The following GRIA1 variants were observed in gnomAD, a reference collection of about 807,000 sequenced individuals.
GRIA1 encodes glutamate ionotropic receptor AMPA type subunit 1, also known as glutamate receptor 1.
GRIA1 carries 31 observed loss-of-function variants against 99.2 expected under a neutral mutation model. The ratio of observed to expected loss-of-function variants is 0.31; its 90% CI spans 0.23 to 0.42. The LOEUF (loss-of-function observed/expected upper bound fraction) is 0.42. Among genes scored for constraint, GRIA1 ranks in the 10% least tolerant of loss-of-function variants. The probability of loss-of-function intolerance (pLI) is 1.00; values close to 1 mark genes in which losing one functional copy is unlikely to be tolerated. For missense variants in GRIA1, 782 were observed against 1,157.5 expected, an observed-to-expected ratio of 0.68 and a Z score of 4.71; for synonymous variants, 438 against 432.4, an observed-to-expected ratio of 1.01 and a Z score of -0.16.
intron 2 of GRIA1, among the ~76,000 whole-genome samples, chr5:153,499,144 A>G (rs13170351): frequency 5.6e-4 from 85 of 152,202 alleles, no homozygotes; most frequent in Non-Finnish European, 9.3e-4. Flanking sequence ...TACTTTGCAG[A>G]TGTTGTCTTA....
intron 3 of GRIA1, among the ~76,000 whole-genome samples, chr5:153,649,410 G>C (rs1754379664): frequency 6.6e-6 from 1 of 151,914 alleles, no homozygotes; most frequent in African/African-American, 2.4e-5. Flanking sequence ...GAAGAGAGTA[G>C]TTTAATTCAG....
chr5:153,527,664 G>C (rs2113410700), intron 2 of GRIA1, among the ~76,000 whole-genome samples: 1 of 152,304 alleles, frequency 6.6e-6, no homozygotes, highest in South Asian at 2.1e-4. Flanking sequence ...CAGCTGGCTG[G>C]CTTTTCTTCT....
At chr5:153,526,371 TA>T (rs1757598395) in intron 2 of GRIA1, among the ~76,000 whole-genome samples, 2 of 152,244 alleles carry the variant, frequency 1.3e-5, no homozygotes, top group Non-Finnish European at 2.9e-5. Context: ...GCAAAATGTA[TA>T]TTTTAAAGGA....
At chr5:153,655,684 G>T in intron 4 of GRIA1, 135 bp from the exon 5 acceptor site, 2 of 694,522 alleles carry the variant, frequency 2.9e-6, no homozygotes, top group Non-Finnish European at 2.6e-6. Flanking sequence ...TCATTGGATG[G>T]TTGGGATATT....
intron 11 of GRIA1, among the ~76,000 whole-genome samples, chr5:153,760,034 A>G (rs1763077464): frequency 6.6e-6 from 1 of 152,076 alleles, no homozygotes; most frequent in South Asian, 2.1e-4. Context: ...TTAACTATAG[A>G]AAGAAAATAC....
rs186126246 is a variant in GRIA1, at chr5:153,680,119, G to A, written c.1029+2958G>A. Among the ~76,000 whole-genome samples, 18 of 152,244 alleles carry A rather than the reference G, an allele frequency of 1.2e-4. No homozygotes were observed. The East Asian group carries it at 3.5e-3, about 29-fold the overall frequency. Reference sequence around the variant, plus strand: ...CCACATTTAGATGATGCCTCCCTCTGTATGCTTCACTGCTCTGAAACCTCA... The same window carrying A: ...CCACATTTAGATGATGCCTCCCTCTATATGCTTCACTGCTCTGAAACCTCA... On this transcript the variant is annotated intron_variant, in intron 7 of 15. Coordinates refer to ENST00000285900, the MANE Select transcript of GRIA1 (RefSeq NM_000827.4).
Position 153,650,472 on chromosome 5 carries a change from G to A in GRIA1, c.603G>A (p.Val201=). Residue 201 remains valine, a synonymous_variant, in exon 4 of 16, where the codon GTG becomes GTA. Coordinates refer to ENST00000285900, the MANE Select transcript of GRIA1 (RefSeq NM_000827.4). ...AGAAGAAAAAGGAGCGGCTGGTGGT[G>A]GTGGACTGTGAATCAGAACGCCTCA... ...DLEKKKERLV[V]VDCESERLNA... is the part of the protein sequence containing the mutation. 1.9e-6 allele frequency: 3 copies of A among 1,613,952 alleles called. No individual in the cohort carries two copies. The highest frequency in any genetic ancestry group is 2.5e-6 in the Non-Finnish European group (3 of 1,179,934).
intron 2 of GRIA1, among the ~76,000 whole-genome samples, chr5:153,494,908 G>A (rs903811765): frequency 2.6e-5 from 4 of 152,090 alleles, no homozygotes; most frequent in Non-Finnish European, 5.9e-5. Context: ...AACAATTTGA[G>A]ACCCCAAACT....
At position 153,786,538 on chromosome 5, in the gene GRIA1, A is replaced by G. The variant is rs75505466; in HGVS notation, c.2271-8083A>G. On this transcript the variant is annotated intron_variant, in intron 13 of 15. Transcript: ENST00000285900. ...ACAATTTGTTCAAGTTGTTATTCCT[A>G]GTAAGTACCTACAATGCTTAACACT... Among the ~76,000 whole-genome samples, 158 of 152,048 alleles carry G rather than the reference A, an allele frequency of 1.0e-3. 1 individual carries two copies. The highest frequency in any genetic ancestry group is 3.4e-3 in the Middle Eastern group (1 of 294).
chr5:153,770,606 G>A (rs1373385164), intron 13 of GRIA1, among the ~76,000 whole-genome samples, 191 bp downstream of exon 13: 1 of 152,116 alleles, frequency 6.6e-6, no homozygotes, highest in Non-Finnish European at 1.5e-5. Flanking sequence ...ACTGACCTGG[G>A]GGCCTCAGCT....
At chr5:153,746,040 C>A (rs1762134539) in intron 11 of GRIA1, among the ~76,000 whole-genome samples, 2 of 152,200 alleles carry the variant, frequency 1.3e-5, no homozygotes, top group Non-Finnish European at 2.9e-5. Context: ...CTAGGTGAAA[C>A]CGAGGCTCAG....
In GRIA1 at chr5:153,784,793, G is replaced by A. The variant is rs150083968; in HGVS notation, c.2271-9828G>A. On this transcript the variant is annotated intron_variant, in intron 13 of 15. Coordinates refer to ENST00000285900, the MANE Select transcript of GRIA1 (RefSeq NM_000827.4). Reference sequence around the variant, plus strand: ...TTAAATGGTCCACACAGCCAGTGATGTCATAGACTGAACTAAAGACAGAGG... The same window carrying A: ...TTAAATGGTCCACACAGCCAGTGATATCATAGACTGAACTAAAGACAGAGG... Among the ~76,000 whole-genome samples, 26 of 152,266 alleles carry A rather than the reference G, an allele frequency of 1.7e-4. No individual in the cohort carries two copies. In the East Asian group the frequency reaches 3.7e-3, roughly 22 times the overall value.
Position 153,811,162 on chromosome 5 carries a change from C to T in GRIA1, c.2658C>T (p.Ser886=), listed in dbSNP as rs1561880500. The T allele has an allele frequency of 1.2e-6, 2 of 1,614,086 alleles. No homozygotes were observed. The highest frequency in any genetic ancestry group is 1.1e-5 in the South Asian group (1 of 91,066). ...GRVVSHDFPK[S]MQSIPCMSHS... The stretch of plus-strand genomic sequence containing the variant: ...TGGTCAGCCATGACTTCCCCAAGTC[C>T]ATGCAATCGATTCCTTGCATGAGCC... Residue 886 remains serine, a synonymous_variant, in exon 16 of 16, where the codon TCC becomes TCT. Coordinates refer to ENST00000285900, the MANE Select transcript of GRIA1 (RefSeq NM_000827.4).
At chr5:153,733,354 A>G (rs1761170781) in intron 11 of GRIA1, among the ~76,000 whole-genome samples, 1 of 152,108 alleles carries the variant, frequency 6.6e-6, no homozygotes, top group South Asian at 2.1e-4. Flanking sequence ...TGTTTTATGT[A>G]TGCAAAAACC....
intron 2 of GRIA1, among the ~76,000 whole-genome samples, chr5:153,606,403 A>G (rs1765441176): frequency 6.6e-6 from 1 of 152,112 alleles, no homozygotes; most frequent in African/African-American, 2.4e-5. Context: ...ATTTACATAC[A>G]AATTTTAGAA....
At chr5:153,788,602 G>A (rs537347772) in intron 13 of GRIA1, among the ~76,000 whole-genome samples, 7 of 152,164 alleles carry the variant, frequency 4.6e-5, no homozygotes, top group African/African-American at 1.7e-4. Flanking sequence ...CATGTTTCCT[G>A]ACCACCTCTG....
rs536210758 is a variant in GRIA1 at position 153,652,777 on chromosome 5, T to C, written c.645+2263T>C. Among the ~76,000 whole-genome samples, 12 of 152,332 alleles carry C rather than the reference T, an allele frequency of 7.9e-5. No homozygotes were observed. The South Asian group carries it at 2.5e-3, about 32-fold the overall frequency. ...TTTGCTTATGCTTACATTTTATAGA[T>C]AGAATGACTGACGGTCAAATTGATT... On this transcript the variant is annotated intron_variant, in intron 4 of 15. Transcript: ENST00000285900.
chr5:153,515,851 G>A (rs1048620471), intron 2 of GRIA1, among the ~76,000 whole-genome samples: 1 of 152,150 alleles, frequency 6.6e-6, no homozygotes. Flanking sequence ...GCTTAGTCCG[G>A]TGTTCAATAA....
chr5:153,795,506 C>T, intron 14 of GRIA1: 1 of 1,612,286 alleles, frequency 6.2e-7, no homozygotes, highest in Non-Finnish European at 8.5e-7. Flanking sequence ...TTTTGAAACT[C>T]AGTGAGCAAG....
Sources: gnomAD v4.1 joint callset for allele counts (sites outside exome capture counted in the v4.1 genomes callset) on GRCh38, gnomAD v4.1.1 for gene constraint, MANE v1.5 for transcripts, NCBI Gene and HGNC (gene_info 2026-07-23, HGNC 2026-07-21) for gene names.